Variants in SLCO3A1 observed in about 807,000 individuals in gnomAD.
SLCO3A1 encodes PGE1 transporter.
SLCO3A1 carries 27 observed loss-of-function variants against 63.1 expected under a neutral mutation model. The ratio of observed to expected loss-of-function variants is 0.43; its 90% CI spans 0.32 to 0.59. SLCO3A1 has a LOEUF of 0.59. SLCO3A1 is among the 20% of genes least tolerant of loss of function. The pLI, the probability that SLCO3A1 is intolerant of heterozygous loss-of-function variation, is 0.09. For synonymous variants in SLCO3A1, 473 were observed against 409.9 expected (o/e 1.15, Z -1.86); for missense variants, 773 against 945.8 (o/e 0.82, Z 2.40).
At chr15:92,153,753 TAA>T (rs1229099013) in intron 9 of SLCO3A1, 3 of 151,340 alleles carry the variant, frequency 2.0e-5, no homozygotes, top group Non-Finnish European at 4.4e-5. Flanking sequence ...GGGGAAGGAG[TAA>T]GAGTCATACA....
intron 1 of SLCO3A1, among the ~76,000 whole-genome samples, chr15:91,903,513 T>C (rs530396439): frequency 7.9e-5 from 12 of 152,288 alleles, no homozygotes; most frequent in African/African-American, 2.9e-4. Context: ...GTGGGGGAGC[T>C]GTGGGAGAGC....
Position 91,865,736 on chromosome 15 carries a change from C to A in SLCO3A1, c.180+11648C>A, listed in dbSNP as rs575291158. 3.9e-5 allele frequency among the ~76,000 whole-genome samples: 6 copies of A among 152,236 alleles called. No homozygotes were observed. The highest frequency in any genetic ancestry group is 6.5e-5 in the Admixed American group (1 of 15,286). On this transcript the variant is annotated intron_variant, in intron 1 of 9. Transcript: ENST00000318445. This position sits in a 1 kb window ranked among gnomAD's most constrained non-coding sequence, Gnocchi z 4.6. ...ACACCGGTCACATTGGATTAGGGCT[C>A]ACCCTAATGACCTCATGTGACTAGC...
intron 2 of SLCO3A1, among the ~76,000 whole-genome samples, chr15:91,930,527 T>A (rs1161522495): frequency 6.6e-6 from 1 of 152,188 alleles, no homozygotes; most frequent in African/African-American, 2.4e-5. Flanking sequence ...GATTATAGTA[T>A]TGTATTTTTG....
At position 92,115,815 on chromosome 15, in the gene SLCO3A1, CAAAAAAAAAAA is replaced by C. The variant is rs765666191; in HGVS notation, c.1010-4637_1010-4627del. On this transcript the variant is annotated intron_variant, in intron 4 of 9. Transcript: ENST00000318445. Reference sequence around the variant, plus strand: ...CCTCTCTTCCCTAGTTCTCTTCCCTCAAAAAAAAAAAAAAAAAAAAAAATGGACTAAGTCCC... The same window carrying C: ...CCTCTCTTCCCTAGTTCTCTTCCCTCAAAAAAAAAAAATGGACTAAGTCCC... Among the ~76,000 whole-genome samples, 7 of 86,720 alleles carry C rather than the reference CAAAAAAAAAAA, an allele frequency of 8.1e-5. No individual in the cohort carries two copies. In the East Asian group the frequency reaches 1.9e-3, roughly 23 times the overall value. The allele number at this position is 86,720 out of a possible 152,430, so 56.9% of individuals were successfully genotyped here.
chr15:91,957,161 T>TA (rs1900270646), intron 2 of SLCO3A1, among the ~76,000 whole-genome samples: 2 of 15,950 alleles, frequency 1.3e-4, no homozygotes, highest in Non-Finnish European at 1.7e-4. Context: ...ATATATATAT[T>TA]TTTTTTTTTA....
chr15:91,923,085 C>T (rs1024050078), intron 2 of SLCO3A1, among the ~76,000 whole-genome samples: 1 of 152,208 alleles, frequency 6.6e-6, no homozygotes, highest in Non-Finnish European at 1.5e-5. Context: ...GGCCCCTCCA[C>T]GACTCCTGGG....
chr15:91,888,270 G>A (rs1897776472), intron 1 of SLCO3A1, among the ~76,000 whole-genome samples: 1 of 152,162 alleles, frequency 6.6e-6, no homozygotes, highest in Non-Finnish European at 1.5e-5. Context: ...TCATCTGAAT[G>A]GGGTGTGGGT....
At chr15:92,008,888 G>A (rs1057354947) in intron 2 of SLCO3A1, among the ~76,000 whole-genome samples, 8 of 152,096 alleles carry the variant, frequency 5.3e-5, no homozygotes, top group Non-Finnish European at 7.4e-5. Context: ...GCAGATCAAC[G>A]CCCTGTCTAC....
Position 91,854,317 on chromosome 15 carries a change from C to T in SLCO3A1, c.180+229C>T. 1.8e-6 allele frequency: 2 copies of T among 1,081,806 alleles called. No homozygotes were observed. Among genetic ancestry groups the T allele is most frequent in the East Asian group, 5.7e-5 (1 of 17,688 alleles). 67.0% of individuals were successfully genotyped at this position (1,081,806 alleles called of 1,614,324 possible). A position where few individuals can be genotyped will look rare whatever the true frequency, so the allele number is the denominator to read the frequency against. ...GTTGATGCCGGTAGCAGCTCGCGCG[C>T]GTCCGGCTGGGGCAGGGGGTGCCGG... On this transcript the variant is annotated intron_variant, in intron 1 of 9. Coordinates refer to ENST00000318445, the MANE Select transcript of SLCO3A1 (RefSeq NM_013272.4). The surrounding 1 kb of genome is among the most constrained non-coding windows in gnomAD (Gnocchi z 6.4).
chr15:91,877,128 A>ATCTG (rs1450974775), intron 1 of SLCO3A1, among the ~76,000 whole-genome samples: 1 of 152,154 alleles, frequency 6.6e-6, no homozygotes, highest in Non-Finnish European at 1.5e-5. Flanking sequence ...GTTTTTATTG[A>ATCTG]TCTGAGGCAT....
chr15:91,947,208 G>A (rs569141654), intron 2 of SLCO3A1, among the ~76,000 whole-genome samples: 1 of 152,294 alleles, frequency 6.6e-6, no homozygotes, highest in Admixed American at 6.5e-5. Context: ...TCCCTCCTGG[G>A]TGCACCTCTA....
chr15:92,114,437 G>C (rs936172474), intron 4 of SLCO3A1, among the ~76,000 whole-genome samples: 1 of 152,112 alleles, frequency 6.6e-6, no homozygotes, highest in Non-Finnish European at 1.5e-5. Context: ...GTCCCACGTG[G>C]CTTCTGGCTT....
intron 2 of SLCO3A1, among the ~76,000 whole-genome samples, chr15:91,971,700 G>A (rs1409418642): frequency 1.3e-5 from 2 of 152,200 alleles, no homozygotes; most frequent in East Asian, 3.9e-4. Flanking sequence ...ATTAAATAAG[G>A]TTTGTTTAAA....
chr15:91,892,534 AT>A (rs1897897295), intron 1 of SLCO3A1, among the ~76,000 whole-genome samples: 1 of 152,166 alleles, frequency 6.6e-6, no homozygotes, highest in Non-Finnish European at 1.5e-5. Context: ...CCTGACCTGC[AT>A]TTGTGACATG....
At chr15:92,024,988 G>A (rs2046553883) in intron 2 of SLCO3A1, among the ~76,000 whole-genome samples, 1 of 151,474 alleles carries the variant, frequency 6.6e-6, no homozygotes, top group Admixed American at 6.6e-5. Context: ...CAGCCAACCA[G>A]CCAGCCAGCC....
chr15:92,132,616 A>C (rs6496894), intron 7 of SLCO3A1, among the ~76,000 whole-genome samples: 72,711 of 101,224 alleles, frequency 0.72, 24,118 homozygotes, highest in African/African-American at 0.83. Flanking sequence ...AAATAATTGA[A>C]TAGAAAAAAA....
At chr15:92,016,266 A>ATAGATAGATATAGATAGAT (rs1555424459) in intron 2 of SLCO3A1, among the ~76,000 whole-genome samples, 6 of 135,008 alleles carry the variant, frequency 4.4e-5, no homozygotes, top group East Asian at 4.3e-4. Context: ...AGATAGATAG[A>ATAGATAGATATAGATAGAT]TAGATAGATA....
chr15:92,068,293 G>C (rs767303196), intron 2 of SLCO3A1, among the ~76,000 whole-genome samples: 1 of 152,172 alleles, frequency 6.6e-6, no homozygotes, highest in Non-Finnish European at 1.5e-5. Flanking sequence ...TTAGCTCTCA[G>C]ATTGCAAACC....
chr15:92,103,611 C>T (rs1359694744), intron 3 of SLCO3A1, among the ~76,000 whole-genome samples: 1 of 152,120 alleles, frequency 6.6e-6, no homozygotes, highest in African/African-American at 2.4e-5. Context: ...ATGCGCCAGG[C>T]ACTCTTCTGA....
Sources: gnomAD v4.1 joint callset for allele counts (sites outside exome capture counted in the v4.1 genomes callset) on GRCh38, gnomAD v4.1.1 for gene constraint, Gnocchi (gnomAD v3.1) non-coding constraint, MANE v1.5 for transcripts, NCBI Gene and HGNC (gene_info 2026-07-23, HGNC 2026-07-21) for gene names.